The following DOK4 variants were observed in gnomAD, a reference collection of about 807,000 sequenced individuals.
DOK4 encodes the protein docking protein 4.
DOK4 carries 26 observed loss-of-function variants against 40.1 expected under a neutral mutation model. The observed-to-expected ratio is 0.65, with a 90% confidence interval of 0.48 to 0.90. DOK4 has a LOEUF of 0.90. Among genes scored for constraint, DOK4 ranks in the 40% least tolerant of loss-of-function variants. The probability of loss-of-function intolerance (pLI) is 0.00; values close to 1 mark genes in which losing one functional copy is unlikely to be tolerated. For missense variants in DOK4, 392 were observed against 437.2 expected, an observed-to-expected ratio of 0.90 and a Z score of 0.92; for synonymous variants, 179 against 177.0, an observed-to-expected ratio of 1.01 and a Z score of -0.09.
Position 57,479,338 on chromosome 16 carries a change from C to CCCCA in DOK4, c.66+103_66+104insTGGG. The CCCCA allele has an allele frequency of 5.3e-6, 7 of 1,314,372 alleles. No homozygotes were observed. Among genetic ancestry groups the CCCCA allele is most frequent in the Non-Finnish European group, 7.4e-6 (7 of 940,556 alleles). The allele number at this position is 1,314,372 out of a possible 1,614,324, so 81.4% of individuals were successfully genotyped here. ...CCACAGATGCACGATGCCCGGCAGC[C>CCCCA]GGAGGGCAGCCGCGTGCCCCACGCG... On this transcript the variant is annotated intron_variant, in intron 2 of 8. Coordinates refer to ENST00000340099, the Ensembl canonical transcript of DOK4. The surrounding 1 kb of genome is among the most constrained non-coding windows in gnomAD (Gnocchi z 5.8).
Position 57,477,768 on chromosome 16 carries a change from T to TC in DOK4, c.66+1673dup, listed in dbSNP as rs1422250241. Among the ~76,000 whole-genome samples, 5 of 151,902 alleles carry TC rather than the reference T, an allele frequency of 3.3e-5. No individual in the cohort carries two copies. In the East Asian group the frequency reaches 5.8e-4, roughly 18 times the overall value. On this transcript the variant is annotated intron_variant, in intron 2 of 8. Coordinates refer to ENST00000340099, the Ensembl canonical transcript of DOK4. ...CCGGCTCCTGATCTCTTTCAGCCCCTCCCCCCTCACCTCTGTGGGCTGAGA... is the reference window on the plus strand; with the variant it reads ...CCGGCTCCTGATCTCTTTCAGCCCCTCCCCCCCTCACCTCTGTGGGCTGAGA...
Position 57,479,752 on chromosome 16 carries a change from GCT to G in DOK4, c.-181-66_-181-65del, listed in dbSNP as rs1357826716. 3 of 436,034 alleles carry G rather than the reference GCT, an allele frequency of 6.9e-6. No individual in the cohort carries two copies. The highest frequency in any genetic ancestry group is 4.1e-5 in the African/African-American group (2 of 48,958). The allele number at this position is 436,034 out of a possible 1,614,324, so 27.0% of individuals were successfully genotyped here. On this transcript the variant is annotated intron_variant, in intron 1 of 8. Coordinates refer to ENST00000340099, the Ensembl canonical transcript of DOK4. This position sits in a 1 kb window ranked among gnomAD's most constrained non-coding sequence, Gnocchi z 5.8. ...ATCTTTCTCTTCCTCTCGCTGTCTC[GCT>G]CTCTTTTTTCCTTCCTCTTCCCACA...
Position 57,473,631 on chromosome 16 carries a change from CG to C in DOK4, c.843del (p.Glu282LysfsTer28). 6.2e-7 allele frequency: 1 copy of C among 1,614,236 alleles called. No individual in the cohort carries two copies. Among genetic ancestry groups the C allele is most frequent in the Non-Finnish European group, 8.5e-7 (1 of 1,180,054 alleles). On this transcript the variant is annotated frameshift_variant, in exon 8 of 9. Transcript: ENST00000340099. LOFTEE classifies it high-confidence loss of function. ...GACTCACCAGCATAGCTGGAGGCTT[CG>C]GCGATGTTCTGGGAACCAGTGATGT...
In DOK4 at chr16:57,478,868, C is replaced by T. The variant is rs182219750; in HGVS notation, c.66+574G>A. Among the ~76,000 whole-genome samples, 8 of 149,486 alleles carry T rather than the reference C, an allele frequency of 5.4e-5. No individual in the cohort carries two copies. The East Asian group carries it at 1.5e-3, about 29-fold the overall frequency. On this transcript the variant is annotated intron_variant, in intron 2 of 8. Coordinates refer to ENST00000340099, the Ensembl canonical transcript of DOK4. Reference sequence around the variant, plus strand: ...AAATATCAGCTTCAGTGCCTCACACCACCCCGTCTCGCCCAGCCAACCACT... The same window carrying T: ...AAATATCAGCTTCAGTGCCTCACACTACCCCGTCTCGCCCAGCCAACCACT...
exon 9 of DOK4, chr16:57,472,293 A>C (rs1457498949): frequency 1.3e-5 from 2 of 152,664 alleles, no homozygotes; most frequent in African/African-American, 2.4e-5. Context: ...AACAAAACCC[A>C]AAAAACAACA....
At chr16:57,471,966 T>C (rs2030864653) in exon 9 of DOK4, 1 of 152,722 alleles carries the variant, frequency 6.5e-6, no homozygotes, top group Non-Finnish European at 1.5e-5. Context: ...AGTTGTCTTT[T>C]TAAAAGTGTT....
chr16:57,486,162 C>A (rs370635121), intron 1 of DOK4, 143 bp downstream of exon 1: 245 of 152,266 alleles, frequency 1.6e-3, no homozygotes, highest in Non-Finnish European at 2.7e-3. Flanking sequence ...AAGCTCCCCA[C>A]CCGAGAGTAG....
exon 9 of DOK4, chr16:57,473,216 T>A (rs1478731964): frequency 8.9e-7 from 1 of 1,127,634 alleles, no homozygotes; most frequent in Non-Finnish European, 1.2e-6. Context: ...TGGCCAGCCC[T>A]TTGCCTCAGT....
intron 2 of DOK4, 64 bp from the exon 3 acceptor site, chr16:57,476,021 T>C (rs2031168204): frequency 7.3e-7 from 1 of 1,372,386 alleles, no homozygotes; most frequent in African/African-American, 1.4e-5. Flanking sequence ...AGCATGGCCC[T>C]GCAGCCACCC....
At chr16:57,475,531 C>T (rs1229793596) in exon 4 of DOK4, 25 of 1,608,678 alleles carry the variant, frequency 1.6e-5, no homozygotes, top group East Asian at 4.5e-5. Flanking sequence ...AGGTACGTGC[C>T]GAGTCATCAG....
chr16:57,481,786 TCTAC>T (rs1403298718), intron 1 of DOK4: 1 of 152,196 alleles, frequency 6.6e-6, no homozygotes, highest in Non-Finnish European at 1.5e-5. Context: ...TGAGAATAAA[TCTAC>T]CTACTTTAAA....
At chr16:57,482,582 T>A (rs570944254) in intron 1 of DOK4, among the ~76,000 whole-genome samples, 21 of 152,044 alleles carry the variant, frequency 1.4e-4, no homozygotes, top group Non-Finnish European at 2.9e-5. Context: ...TTAGCCAGGA[T>A]GGTCTCGATC....
chr16:57,485,285 GGGGT>G lies in DOK4; in HGVS notation c.-182+1016_-182+1019del, dbSNP rs2031513598. ...GCGGCCCCACCTTGGCCAGGGTTGT[GGGGT>G]GAGGTCATGCCCAGCCCTGCTGCCC... On this transcript the variant is annotated intron_variant, in intron 1 of 8. Coordinates refer to ENST00000340099, the Ensembl canonical transcript of DOK4. This position sits in a 1 kb window ranked among gnomAD's most constrained non-coding sequence, Gnocchi z 4.3. Among the ~76,000 whole-genome samples the G allele has an allele frequency of 6.6e-6, 1 of 152,232 alleles. No homozygotes were observed. The highest frequency in any genetic ancestry group is 6.5e-5 in the Admixed American group (1 of 15,288).
At position 57,479,884 on chromosome 16, in the gene DOK4, G is replaced by A. The variant is rs912403080; in HGVS notation, c.-181-196C>T. ...ACCATTCAGGAAAACCGAGGTGGAGGCGGCAGTGAGGAAAATGGTCCAGCC... is the reference window on the plus strand; with the variant it reads ...ACCATTCAGGAAAACCGAGGTGGAGACGGCAGTGAGGAAAATGGTCCAGCC... On this transcript the variant is annotated intron_variant, in intron 1 of 8. Coordinates refer to ENST00000340099, the Ensembl canonical transcript of DOK4. The surrounding 1 kb of genome is among the most constrained non-coding windows in gnomAD (Gnocchi z 5.8). 8 of 201,966 alleles carry A rather than the reference G, an allele frequency of 4.0e-5. No homozygotes were observed. The highest frequency in any genetic ancestry group is 6.0e-5 in the Admixed American group (1 of 16,788). The allele number at this position is 201,966 out of a possible 1,614,324, so 12.5% of individuals were successfully genotyped here.
intron 4 of DOK4, 126 bp from the exon 5 acceptor site, chr16:57,475,345 G>T: frequency 6.7e-7 from 1 of 1,495,620 alleles, no homozygotes; most frequent in Non-Finnish European, 9.1e-7. Flanking sequence ...TGCCTGTCTT[G>T]CCTCAACCCT....
chr16:57,477,127 G>A (rs2031215154), intron 2 of DOK4, among the ~76,000 whole-genome samples: 1 of 152,214 alleles, frequency 6.6e-6, no homozygotes, highest in South Asian at 2.1e-4. Flanking sequence ...GAGGCCAGGG[G>A]GCCTCTAGGC....
At position 57,479,615 on chromosome 16, in the gene DOK4, G is replaced by C; in HGVS notation, c.-108C>G. ...ATCACCTGTTCCAGACACTCTGTCG[G>C]GGCTGCCGCGAGGGGCTGCTCCTCA... On this transcript the variant is annotated 5_prime_UTR_variant, in exon 2 of 9. Transcript: ENST00000340099. This position sits in a 1 kb window ranked among gnomAD's most constrained non-coding sequence, Gnocchi z 5.8. 7.9e-7 allele frequency: 1 copy of C among 1,264,630 alleles called. No homozygotes were observed. The highest frequency in any genetic ancestry group is 1.1e-6 in the Non-Finnish European group (1 of 883,826). 78.3% of individuals were successfully genotyped at this position (1,264,630 alleles called of 1,614,324 possible).
At chr16:57,481,197 C>T (rs548338005) in intron 1 of DOK4, among the ~76,000 whole-genome samples, 9 of 152,126 alleles carry the variant, frequency 5.9e-5, no homozygotes, top group Non-Finnish European at 1.2e-4. Flanking sequence ...TAACAAGGAA[C>T]AGATGGGACT....
rs796086415 is a variant in DOK4, at chr16:57,482,365, T to G, written c.-181-2677A>C. Among the ~76,000 whole-genome samples, 699 of 115,898 alleles carry G rather than the reference T, an allele frequency of 6.0e-3. 22 individuals are homozygous for G. The highest frequency in any genetic ancestry group is 0.043 in the Admixed American group (523 of 12,198). The allele number at this position is 115,898 out of a possible 152,430, so 76.0% of individuals were successfully genotyped here. On this transcript the variant is annotated intron_variant, in intron 1 of 8. Coordinates refer to ENST00000340099, the Ensembl canonical transcript of DOK4. ...TTGTTTGTAGAGATGGGGCTTTTGT[T>G]TTTTTTTTTTTTTTTTTTTGAGACG...
Sources: allele counts gnomAD v4.1 joint callset (sites outside exome capture counted in the v4.1 genomes callset), GRCh38; gene constraint gnomAD v4.1.1; non-coding constraint Gnocchi (gnomAD v3.1); transcripts MANE v1.5; gene names NCBI Gene and HGNC (gene_info 2026-07-23, HGNC 2026-07-21).